NFIC: variants seen among roughly 807,000 people sequenced by gnomAD.
NFIC encodes nuclear factor I C, also known as nuclear factor 1 C-type.
In NFIC, 12 loss-of-function variants were observed where a neutral mutation model predicts 54.4. The ratio of observed to expected loss-of-function variants is 0.22; its 90% confidence interval spans 0.14 to 0.36. The LOEUF is 0.36. Ranked by LOEUF, NFIC falls within the 10% of genes least tolerant of loss-of-function variation. The pLI is 1.00. For synonymous variants in NFIC, 322 were observed against 319.2 expected (o/e 1.01, Z -0.09); for missense variants, 575 against 718.2 (o/e 0.80, Z 2.28).
intron 6 of NFIC, among the ~76,000 whole-genome samples, chr19:3,446,627 A>G (rs2082377502): frequency 6.6e-6 from 1 of 152,218 alleles, no homozygotes; most frequent in South Asian, 2.1e-4. Context: ...TCCTTTCTAA[A>G]AATTCGGCTC....
intron 4 of NFIC, 29 bp from the exon 5 acceptor site, chr19:3,434,245 CCTG>C: frequency 6.3e-7 from 1 of 1,594,358 alleles, no homozygotes; most frequent in Non-Finnish European, 8.5e-7. Flanking sequence ...GGCACTGCTT[CCTG>C]CCTCACTCTC....
At chr19:3,443,963 G>A (rs2082331668) in intron 6 of NFIC, among the ~76,000 whole-genome samples, 1 of 152,196 alleles carries the variant, frequency 6.6e-6, no homozygotes, top group Non-Finnish European at 1.5e-5. Context: ...TCTGTGTAGG[G>A]CCCCTCCTGA....
At chr19:3,414,630 A>G (rs2081821315) in intron 2 of NFIC, among the ~76,000 whole-genome samples, 1 of 150,426 alleles carries the variant, frequency 6.6e-6, no homozygotes, top group Non-Finnish European at 1.5e-5. Context: ...AAATAAAATA[A>G]AATAAAATAA....
intron 6 of NFIC, among the ~76,000 whole-genome samples, chr19:3,446,873 A>T (rs1199588022): frequency 6.6e-6 from 1 of 152,036 alleles, no homozygotes; most frequent in East Asian, 1.9e-4. Flanking sequence ...CTCTAAAAAA[A>T]AAATTGCCTG....
rs1182784331 is a variant in NFIC at position 3,464,140 on chromosome 19, G to A, written c.*1371G>A. On this transcript the variant is annotated 3_prime_UTR_variant, in exon 11 of 11. Transcript: ENST00000443272. ...CGACCCCCCTCCCTGGTGCCTCCCA[G>A]CGAAGGGGGACCGCCGTTTGCACTT... is the stretch of plus-strand genomic sequence containing the variant. The A allele has an allele frequency of 1.7e-5, 17 of 985,234 alleles. No individual in the cohort carries two copies. Among genetic ancestry groups the A allele is most frequent in the Admixed American group, 1.2e-4 (2 of 16,258 alleles). The allele number at this position is 985,234 out of a possible 1,614,324, so 61.0% of individuals were successfully genotyped here.
At chr19:3,449,631 G>A (rs1414659361) in intron 7 of NFIC, among the ~76,000 whole-genome samples, 4 of 151,646 alleles carry the variant, frequency 2.6e-5, no homozygotes, top group South Asian at 2.1e-4. Context: ...GTGGTGGCAC[G>A]CACCTGTAGT....
chr19:3,373,042 A>T (rs568320186), intron 1 of NFIC, among the ~76,000 whole-genome samples: 2 of 151,944 alleles, frequency 1.3e-5, no homozygotes, highest in Non-Finnish European at 2.9e-5. Flanking sequence ...ATGGGGTTTC[A>T]CCATGTTGGC....
At chr19:3,436,795 C>T (rs2082210319) in intron 6 of NFIC, among the ~76,000 whole-genome samples, 1 of 152,014 alleles carries the variant, frequency 6.6e-6, no homozygotes, top group Non-Finnish European at 1.5e-5. Context: ...TTTTTAGAAG[C>T]AGTATAACAT....
At chr19:3,367,913 T>C (rs940388002) in intron 1 of NFIC, among the ~76,000 whole-genome samples, 4 of 152,134 alleles carry the variant, frequency 2.6e-5, no homozygotes, top group African/African-American at 9.7e-5. Context: ...CCAGGCATGC[T>C]CCTTGGTAGG....
At position 3,452,569 on chromosome 19, in the gene NFIC, A is replaced by C. The variant is rs1172051069; in HGVS notation, c.1172A>C (p.His391Pro). 6.2e-7 allele frequency: 1 copy of C among 1,613,310 alleles called. No homozygotes were observed. The highest frequency in any genetic ancestry group is 8.5e-7 in the Non-Finnish European group (1 of 1,179,864). The change falls in exon 8 of 11, where the codon CAC (histidine) becomes CCC (proline). Residue 391 changes from histidine (H) to proline (P), a missense_variant. Coordinates refer to ENST00000443272, the MANE Select transcript of NFIC (RefSeq NM_001245002.2). This position sits in a 1 kb window ranked among gnomAD's most constrained non-coding sequence, Gnocchi z 5.3. ...LPQTASTYFP[H>P]TAIRYPPHLN... ...CAGACGGCCTCCACCTACTTCCCCC[A>C]CACGGCCATCCGCTACCCACCTCAT...
At position 3,369,816 on chromosome 19, in the gene NFIC, C is replaced by T. The variant is rs1395057098; in HGVS notation, c.30+3150C>T. Reference sequence around the variant, plus strand: ...GGGTTTGGGGCCAAGTCCCTCTTGGCCGCAGCGTGGCGGATTCCCCGAGCC... The same window carrying T: ...GGGTTTGGGGCCAAGTCCCTCTTGGTCGCAGCGTGGCGGATTCCCCGAGCC... On this transcript the variant is annotated intron_variant, in intron 1 of 10. Transcript: ENST00000443272. The surrounding 1 kb of genome is among the most constrained non-coding windows in gnomAD (Gnocchi z 4.3). Among the ~76,000 whole-genome samples the T allele has an allele frequency of 6.6e-6, 1 of 152,194 alleles. No homozygotes were observed. The highest frequency in any genetic ancestry group is 1.5e-5 in the Non-Finnish European group (1 of 68,030).
chr19:3,366,554 G>T, upstream of NFIC: 7 of 643,116 alleles, frequency 1.1e-5, no homozygotes, highest in Non-Finnish European at 1.4e-5. Context: ...GGTTGGGGGG[G>T]GCGGGGGGGT....
chr19:3,371,988 C>CTCTCTCTCTCTCT (rs2081025576), intron 1 of NFIC, among the ~76,000 whole-genome samples: 1 of 27,412 alleles, frequency 3.6e-5, no homozygotes. Flanking sequence ...TCTCTCTCTC[C>CTCTCTCTCTCTCT]CTCTCTCTCC....
At chr19:3,424,479 C>T (rs1043980680) in intron 2 of NFIC, among the ~76,000 whole-genome samples, 7 of 152,122 alleles carry the variant, frequency 4.6e-5, no homozygotes, top group Non-Finnish European at 7.3e-5. Flanking sequence ...GAGGCTAAAG[C>T]GATTCTCCTG....
At chr19:3,460,733 C>T (rs140380846) in intron 10 of NFIC, among the ~76,000 whole-genome samples, 2,548 of 150,894 alleles carry the variant, frequency 0.017, 54 homozygotes, top group African/African-American at 0.057. Flanking sequence ...AGGCTGGTCT[C>T]GAACCCCTGA....
intron 1 of NFIC, among the ~76,000 whole-genome samples, chr19:3,380,628 CTTTTTTTTTTTT>C (rs1159916071): frequency 1.0e-5 from 1 of 96,118 alleles, no homozygotes; most frequent in Non-Finnish European, 2.0e-5. Context: ...TGCGCCCAGG[CTTTTTTTTTTTT>C]TTTTTTTTTT....
At chr19:3,389,749 C>G (rs1487462761) in intron 2 of NFIC, among the ~76,000 whole-genome samples, 1 of 152,082 alleles carries the variant, frequency 6.6e-6, no homozygotes, top group Non-Finnish European at 1.5e-5. Flanking sequence ...CTGGGAGGCC[C>G]AGGCGGGTGG....
chr19:3,422,758 CG>C (rs2081972633), intron 2 of NFIC, among the ~76,000 whole-genome samples: 1 of 151,850 alleles, frequency 6.6e-6, no homozygotes, highest in African/African-American at 2.4e-5. Flanking sequence ...CACAAAGACC[CG>C]GGGGGTCTTG....
intron 1 of NFIC, among the ~76,000 whole-genome samples, chr19:3,376,965 G>C (rs1461005737): frequency 6.6e-6 from 1 of 151,504 alleles, no homozygotes; most frequent in Non-Finnish European, 1.5e-5. Context: ...CCTGACCTCA[G>C]ATGATCCACC....
Sources: allele counts gnomAD v4.1 joint callset (sites outside exome capture counted in the v4.1 genomes callset), GRCh38; gene constraint gnomAD v4.1.1; non-coding constraint Gnocchi (gnomAD v3.1); transcripts MANE v1.5; gene names NCBI Gene and HGNC (gene_info 2026-07-23, HGNC 2026-07-21).